Variants in ROBO1 observed in about 807,000 individuals in gnomAD.
ROBO1 encodes roundabout guidance receptor 1.
Under a neutral mutation model 195.9 loss-of-function variants are expected in ROBO1, and 149 were observed. That is an observed-to-expected ratio of 0.76 (90% confidence interval 0.67 to 0.87). The LOEUF (loss-of-function observed/expected upper bound fraction) is 0.87, where lower values mean the gene tolerates loss of function less well. ROBO1 is among the 40% of genes least tolerant of loss of function. ROBO1 has a pLI of 0.00. For synonymous variants in ROBO1, 816 were observed against 733.2 expected (o/e 1.11, Z -1.82); for missense variants, 1,933 against 2,068.3 (o/e 0.93, Z 1.27).
intron 26 of ROBO1, among the ~76,000 whole-genome samples, chr3:78,618,412 A>G (rs1704254169): frequency 1.3e-5 from 2 of 152,204 alleles, no homozygotes; most frequent in Non-Finnish European, 2.9e-5. Flanking sequence ...ATAGTTTATC[A>G]TTACTGAAGA....
intron 4 of ROBO1, among the ~76,000 whole-genome samples, chr3:78,851,830 T>G (rs1208480298): frequency 6.6e-6 from 1 of 152,116 alleles, no homozygotes; most frequent in African/African-American, 2.4e-5. Flanking sequence ...TCATTGCTGT[T>G]GAGATTTTGA....
intron 2 of ROBO1, among the ~76,000 whole-genome samples, chr3:79,168,258 C>A (rs1340785509): frequency 6.6e-6 from 1 of 152,000 alleles, no homozygotes; most frequent in Non-Finnish European, 1.5e-5. Context: ...CATCGCCCTG[C>A]TAAAAGAAAT....
At position 79,127,390 on chromosome 3, in the gene ROBO1, C is replaced by A. The variant is rs114305589; in HGVS notation, c.89-1851G>T. 2.5e-3 allele frequency among the ~76,000 whole-genome samples: 375 copies of A among 152,284 alleles called. 2 individuals are homozygous for A. The highest frequency in any genetic ancestry group is 8.4e-3 in the African/African-American group (350 of 41,564). On this transcript the variant is annotated intron_variant, in intron 2 of 30. Coordinates refer to ENST00000464233, the MANE Select transcript of ROBO1 (RefSeq NM_002941.4). ...TGCATGAAACGGCTTTTAAGAAAAC[C>A]ACCCTGCTTACCTACAATCTTGTTT...
chr3:79,714,024 G>C (rs189094603), intron 1 of ROBO1, among the ~76,000 whole-genome samples: 1 of 152,210 alleles, frequency 6.6e-6, no homozygotes, highest in Admixed American at 6.5e-5. Context: ...AAGTCATGTA[G>C]CATGATGCCT....
intron 4 of ROBO1, among the ~76,000 whole-genome samples, chr3:78,843,933 T>C (rs1025681960): frequency 2.6e-5 from 4 of 152,160 alleles, no homozygotes; most frequent in African/African-American, 9.6e-5. Flanking sequence ...ACTGAACTTA[T>C]CTTTGCCTTA....
rs186299992 is a variant in ROBO1 at position 79,373,430 on chromosome 3, C to T, written c.88+216394G>A. On this transcript the variant is annotated intron_variant, in intron 2 of 30. Transcript: ENST00000464233. Reference sequence around the variant, plus strand: ...TCTTTTACAAGACTTTGAAGACTGCCCTAATTCTAAACAGCTTCAATAAAA... The same window carrying T: ...TCTTTTACAAGACTTTGAAGACTGCTCTAATTCTAAACAGCTTCAATAAAA... Among the ~76,000 whole-genome samples, 372 of 152,190 alleles carry T rather than the reference C, an allele frequency of 2.4e-3. 2 individuals are homozygous for T. The highest frequency in any genetic ancestry group is 7.6e-3 in the African/African-American group (316 of 41,526).
At chr3:79,206,605 T>C (rs779420964) in intron 2 of ROBO1, among the ~76,000 whole-genome samples, 2 of 152,166 alleles carry the variant, frequency 1.3e-5, no homozygotes, top group African/African-American at 2.4e-5. Flanking sequence ...GGAGAGATCA[T>C]TGTATATTCA....
Position 79,754,904 on chromosome 3 carries a change from G to C in ROBO1, c.-51+12848C>G, listed in dbSNP as rs558540740. Among the ~76,000 whole-genome samples the C allele has an allele frequency of 2.6e-5, 4 of 152,104 alleles. No individual in the cohort carries two copies. In the South Asian group the frequency reaches 8.3e-4, roughly 32 times the overall value. ...TTATTTATTTAATTATTTTGAGATG[G>C]AGTTTCACTCTTGTTGCGCAGGCTG... On this transcript the variant is annotated intron_variant, in intron 1 of 30. Transcript: ENST00000464233.
intron 1 of ROBO1, among the ~76,000 whole-genome samples, chr3:79,679,841 AC>A (rs548969287): frequency 4.6e-4 from 70 of 152,010 alleles, no homozygotes; most frequent in Non-Finnish European, 6.9e-4. Flanking sequence ...CTTTATGAGA[AC>A]AATCCATTAG....
At chr3:78,723,178 A>AAG (rs1442566804) in intron 5 of ROBO1, among the ~76,000 whole-genome samples, 1 of 152,178 alleles carries the variant, frequency 6.6e-6, no homozygotes, top group African/African-American at 2.4e-5. Context: ...GATCGTTTCC[A>AAG]GTGCATCACC....
rs573732466 is a variant in ROBO1, at chr3:79,309,140, T to C, written c.89-183601A>G. The stretch of plus-strand genomic sequence containing the variant: ...ACCTGAAGGTTTTTAGAGGGGAAAA[T>C]TCATACCTACTGGGTTATATGATAT... On this transcript the variant is annotated intron_variant, in intron 2 of 30. Transcript: ENST00000464233. Among the ~76,000 whole-genome samples, 3 of 152,232 alleles carry C rather than the reference T, an allele frequency of 2.0e-5. No homozygotes were observed. In the East Asian group the frequency reaches 5.8e-4, roughly 29 times the overall value.
chr3:78,806,525 G>A (rs181168271), intron 4 of ROBO1, among the ~76,000 whole-genome samples: 3 of 152,288 alleles, frequency 2.0e-5, no homozygotes, highest in South Asian at 4.1e-4. Flanking sequence ...GAGTGTGGAC[G>A]TGGGCAGCAG....
intron 4 of ROBO1, among the ~76,000 whole-genome samples, chr3:78,824,515 C>G (rs973897286): frequency 6.6e-6 from 1 of 152,078 alleles, no homozygotes; most frequent in Non-Finnish European, 1.5e-5. Flanking sequence ...AATATTGGCT[C>G]AAGACACTAT....
At chr3:79,349,443 A>T (rs1444350198) in intron 2 of ROBO1, among the ~76,000 whole-genome samples, 1 of 152,220 alleles carries the variant, frequency 6.6e-6, no homozygotes. Flanking sequence ...TTCTTTTAAG[A>T]AATTGATGAG....
At chr3:78,735,100 G>T (rs1316292777) in intron 5 of ROBO1, among the ~76,000 whole-genome samples, 2 of 152,134 alleles carry the variant, frequency 1.3e-5, no homozygotes, top group Non-Finnish European at 2.9e-5. Flanking sequence ...TTTTACAAGT[G>T]TTTGGTTTTT....
At chr3:78,767,974 G>C (rs1438501293) in intron 4 of ROBO1, among the ~76,000 whole-genome samples, 2 of 151,988 alleles carry the variant, frequency 1.3e-5, no homozygotes, top group East Asian at 3.9e-4. Context: ...GTTTGGGTTT[G>C]GTTTGTTCTT....
At chr3:78,863,805 G>A (rs1417774654) in intron 4 of ROBO1, among the ~76,000 whole-genome samples, 1 of 152,212 alleles carries the variant, frequency 6.6e-6, no homozygotes, top group South Asian at 2.1e-4. Flanking sequence ...AGTTGAAAGA[G>A]TTAGGGATGG....
chr3:79,076,031 T>G (rs1052336901), intron 3 of ROBO1, among the ~76,000 whole-genome samples: 1 of 151,386 alleles, frequency 6.6e-6, no homozygotes, highest in African/African-American at 2.4e-5. Context: ...TTTATGTGGA[T>G]GTGAGCAAGT....
In ROBO1 at chr3:79,212,838, TAAATAAAATA is replaced by T. The variant is rs371670959; in HGVS notation, c.89-87309_89-87300del. Among the ~76,000 whole-genome samples the T allele has an allele frequency of 2.1e-3, 310 of 150,124 alleles. 2 individuals are homozygous for T. Among genetic ancestry groups the T allele is most frequent in the East Asian group, 5.5e-3 (28 of 5,102 alleles). On this transcript the variant is annotated intron_variant, in intron 2 of 30. Coordinates refer to ENST00000464233, the MANE Select transcript of ROBO1 (RefSeq NM_002941.4). Reference sequence around the variant, plus strand: ...CTGTCTCAGAAAAAATAAAATAAAATAAATAAAATAAAATAAAATAAAATAAAATAAAATA... The same window carrying T: ...CTGTCTCAGAAAAAATAAAATAAAATAAATAAAATAAAATAAAATAAAATA...
Sources: gnomAD v4.1 joint callset for allele counts (sites outside exome capture counted in the v4.1 genomes callset) on GRCh38, gnomAD v4.1.1 for gene constraint, MANE v1.5 for transcripts, NCBI Gene and HGNC (gene_info 2026-07-23, HGNC 2026-07-21) for gene names.